USP43: variants seen among roughly 807,000 people sequenced by gnomAD.
USP43 encodes ubiquitin specific peptidase 43.
USP43 carries 33 observed loss-of-function variants against 90.7 expected under a neutral mutation model. The observed-to-expected ratio is 0.36, with a 90% confidence interval of 0.28 to 0.49. The LOEUF is 0.49. USP43 is among the 20% of genes least tolerant of loss of function. The probability of loss-of-function intolerance (pLI) is 0.98; values close to 1 mark genes in which losing one functional copy is unlikely to be tolerated. For synonymous variants in USP43, 598 were observed against 615.8 expected (o/e 0.97, Z 0.43); for missense variants, 1,274 against 1,476.4 (o/e 0.86, Z 2.25).
At chr17:9,650,899 C>T (rs527240860) in intron 1 of USP43, among the ~76,000 whole-genome samples, 2 of 151,932 alleles carry the variant, frequency 1.3e-5, no homozygotes, top group East Asian at 3.9e-4. Context: ...TGGATAAGTT[C>T]TTTAGTGGTG....
Position 9,712,041 on chromosome 17 carries a change from C to A in USP43, c.2244C>A (p.Ser748Arg), listed in dbSNP as rs377597623. 2.5e-5 allele frequency: 41 copies of A among 1,612,530 alleles called. No homozygotes were observed. The East Asian group carries it at 5.1e-4, about 20-fold the overall frequency. The change falls in exon 14 of 15, where the codon AGC becomes AGA. Residue 748 changes from serine to arginine, a missense_variant. Transcript: ENST00000285199. ...LGSHAGSTRGSLLSWSSAPCP... is the reference protein window; with the variant it reads ...LGSHAGSTRGRLLSWSSAPCP... ...GCCACGCTGGCAGCACAAGGGGAAG[C>A]CTGCTGTCCTGGAGCTCTGCCCCCT...
At chr17:9,651,924 C>A (rs944302943) in intron 1 of USP43, among the ~76,000 whole-genome samples, 3 of 151,892 alleles carry the variant, frequency 2.0e-5, no homozygotes, top group Non-Finnish European at 4.4e-5. Flanking sequence ...GGTAGAAAAT[C>A]AAAGGAATAA....
At chr17:9,714,697 A>AG (rs1916397281) in intron 14 of USP43, among the ~76,000 whole-genome samples, 1 of 151,738 alleles carries the variant, frequency 6.6e-6, no homozygotes, top group African/African-American at 2.4e-5. Context: ...AAAAAAAAAA[A>AG]AAAATGAAGA....
intron 6 of USP43, among the ~76,000 whole-genome samples, chr17:9,681,382 AAATAT>A (rs1485650779): frequency 1.6e-4 from 19 of 119,222 alleles, no homozygotes; most frequent in African/African-American, 5.0e-4. Context: ...ATATATAAAT[AAATAT>A]AATATAGATA....
At chr17:9,678,805 T>C (rs1913968244) in intron 5 of USP43, among the ~76,000 whole-genome samples, 1 of 152,010 alleles carries the variant, frequency 6.6e-6, no homozygotes, top group Non-Finnish European at 1.5e-5. Context: ...TATTTCATCT[T>C]TTCTGGGATG....
At chr17:9,726,227 C>A (rs1372257365) in intron 14 of USP43, among the ~76,000 whole-genome samples, 1 of 152,152 alleles carries the variant, frequency 6.6e-6, no homozygotes, top group African/African-American at 2.4e-5. Flanking sequence ...AGCATTCACT[C>A]CCCTGCACCT....
rs75894220 is a variant in USP43 at position 9,680,593 on chromosome 17, G to A, written c.1105+227G>A. ...TGAATATTAGAATCACCTGGAGGGC[G>A]TGTGAAAGCAGATTTCTGGACCCTA... is the stretch of plus-strand genomic sequence containing the variant. On this transcript the variant is annotated intron_variant, in intron 6 of 14. Coordinates refer to ENST00000285199, the MANE Select transcript of USP43 (RefSeq NM_153210.5). Among the ~76,000 whole-genome samples, 421 of 152,252 alleles carry A rather than the reference G, an allele frequency of 2.8e-3. 1 individual carries two copies. The highest frequency in any genetic ancestry group is 9.6e-3 in the African/African-American group (400 of 41,540).
chr17:9,656,475 T>C lies in USP43; in HGVS notation c.577T>C (p.Leu193=). The change falls in exon 2 of 15, where the codon TTG becomes CTG. Residue 193 remains leucine (L), a synonymous_variant. Coordinates refer to ENST00000285199, the MANE Select transcript of USP43 (RefSeq NM_153210.5). ...QHDALEFLLW[L]LDRVHEDLEG... ...CGACGCCCTGGAATTCCTGCTCTGG[T>C]TGCTGGATCGTGTACATGAGGACCT... 6.2e-7 allele frequency: 1 copy of C among 1,610,448 alleles called. No homozygotes were observed. Among genetic ancestry groups the C allele is most frequent in the African/African-American group, 1.3e-5 (1 of 75,012 alleles).
chr17:9,708,887 A>G (rs1597878982), intron 12 of USP43, among the ~76,000 whole-genome samples: 1 of 152,252 alleles, frequency 6.6e-6, no homozygotes, highest in East Asian at 1.9e-4. Flanking sequence ...TCGGCCTCCC[A>G]AAGTGCTGGG....
intron 14 of USP43, among the ~76,000 whole-genome samples, chr17:9,722,089 T>G (rs985875246): frequency 6.6e-6 from 1 of 152,202 alleles, no homozygotes; most frequent in African/African-American, 2.4e-5. Flanking sequence ...TCGCTTTATC[T>G]TGTTAGCTGC....
rs373957247 is a variant in USP43 at position 9,701,250 on chromosome 17, C to T, written c.1662+5C>T. On this transcript the variant is annotated splice_donor_5th_base_variant and intron_variant, in intron 11 of 14. Transcript: ENST00000285199. This position sits in a 1 kb window ranked among gnomAD's most constrained non-coding sequence, Gnocchi z 7.2. ...TTCTACACCAAGGAGGAGCAGGTCC[C>T]GCCCTGGGGGTCCATGCCCCGGCCG... The T allele has an allele frequency of 1.6e-5, 26 of 1,606,582 alleles. No homozygotes were observed. Among genetic ancestry groups the T allele is most frequent in the Admixed American group, 1.0e-4 (6 of 59,268 alleles).
intron 8 of USP43, among the ~76,000 whole-genome samples, chr17:9,691,614 T>C (rs1914959586): frequency 6.6e-6 from 1 of 152,194 alleles, no homozygotes; most frequent in Admixed American, 6.5e-5. Flanking sequence ...AAAGGTTATA[T>C]GGTAGTTCAA....
At chr17:9,727,773 G>C (rs1051002962) in intron 14 of USP43, among the ~76,000 whole-genome samples, 181 bp from the exon 15 acceptor site, 5 of 152,182 alleles carry the variant, frequency 3.3e-5, no homozygotes, top group African/African-American at 1.2e-4. Context: ...GGATATTGAG[G>C]AAGAGTGGGT....
intron 14 of USP43, among the ~76,000 whole-genome samples, chr17:9,716,795 C>G (rs1041387058): frequency 6.6e-6 from 1 of 152,172 alleles, no homozygotes; most frequent in African/African-American, 2.4e-5. Context: ...ATGAAGCTAT[C>G]TGCAATGTCT....
chr17:9,666,797 G>C, intron 3 of USP43, 46 bp downstream of exon 3: 1 of 1,475,736 alleles, frequency 6.8e-7, no homozygotes, highest in Non-Finnish European at 9.4e-7. Context: ...GGGCTCCGCA[G>C]ACTCAATTCC....
At chr17:9,673,921 A>G (rs1913602902) in intron 3 of USP43, among the ~76,000 whole-genome samples, 1 of 152,132 alleles carries the variant, frequency 6.6e-6, no homozygotes, top group South Asian at 2.1e-4. Flanking sequence ...CTTCTGTACA[A>G]TAAGGAGGGT....
rs1181862532 is a variant in USP43 at position 9,645,886 on chromosome 17, C to CCCAGCT, written c.263_268dup (p.Gln88_Leu89dup). On this transcript the variant is annotated inframe_insertion, in exon 1 of 15. Transcript: ENST00000285199. The surrounding 1 kb of genome is among the most constrained non-coding windows in gnomAD (Gnocchi z 6.8). ...GAGGAACGCCCGCCCGGACCCCAGCCCCAGCTCCAGCTCCCCGCCGGCGAT... is the reference window on the plus strand; with the variant it reads ...GAGGAACGCCCGCCCGGACCCCAGCCCCAGCTCCAGCTCCAGCTCCCCGCCGGCGAT... 1 of 1,456,476 alleles carries CCCAGCT rather than the reference C, an allele frequency of 6.9e-7. No individual in the cohort carries two copies. The highest frequency in any genetic ancestry group is 9.0e-7 in the Non-Finnish European group (1 of 1,108,850). The allele number at this position is 1,456,476 out of a possible 1,614,324, so 90.2% of individuals were successfully genotyped here.
At chr17:9,651,764 T>C (rs1911878506) in intron 1 of USP43, among the ~76,000 whole-genome samples, 1 of 152,198 alleles carries the variant, frequency 6.6e-6, no homozygotes, top group African/African-American at 2.4e-5. Context: ...AAGGATGCCT[T>C]CTTCACCACT....
At chr17:9,727,443 T>C (rs1917331560) in intron 14 of USP43, among the ~76,000 whole-genome samples, 1 of 152,228 alleles carries the variant, frequency 6.6e-6, no homozygotes, top group Non-Finnish European at 1.5e-5. Flanking sequence ...TATATATTTT[T>C]ACAAGTTGTA....
Sources: gnomAD v4.1 joint callset for allele counts (sites outside exome capture counted in the v4.1 genomes callset) on GRCh38, gnomAD v4.1.1 for gene constraint, Gnocchi (gnomAD v3.1) non-coding constraint, MANE v1.5 for transcripts, NCBI Gene and HGNC (gene_info 2026-07-23, HGNC 2026-07-21) for gene names.